The following RFNG variants were observed in gnomAD, a reference collection of about 807,000 sequenced individuals.
RFNG encodes RFNG O-fucosylpeptide 3-beta-N-acetylglucosaminyltransferase, also known as beta-1,3-N-acetylglucosaminyltransferase radical fringe.
Under a neutral mutation model 29.6 loss-of-function variants are expected in RFNG, and 37 were observed. That is an observed-to-expected ratio of 1.25 (90% CI 0.96 to 1.65). The LOEUF (loss-of-function observed/expected upper bound fraction) is 1.65, where lower values mean the gene tolerates loss of function less well. Ranked by LOEUF, RFNG falls within the 40% of genes most tolerant of loss-of-function variation. The pLI is 0.00. For missense variants in RFNG, 546 were observed against 457.0 expected (o/e 1.19, Z -1.78); for synonymous variants, 276 against 197.3 (o/e 1.40, Z -3.34).
Position 82,049,954 on chromosome 17 carries a change from C to A in RFNG, c.626G>T (p.Ser209Ile), listed in dbSNP as rs1411996467. The A allele has an allele frequency of 6.2e-7, 1 of 1,612,508 alleles. No individual in the cohort carries two copies. The highest frequency in any genetic ancestry group is 8.5e-7 in the Non-Finnish European group (1 of 1,179,782). ...GCTCATCTTGAGGGCAAGGCCTCTG[C>A]TGAGGCAGAACCCGGCCCCACCAGT... ...FATGGAGFCL[S>I]RGLALKMSPW... Residue 209 changes from serine to isoleucine, a missense_variant, in exon 5 of 8, where the codon AGC (serine) becomes ATC (isoleucine). Ser to Ile is a moderately radical substitution (Grantham distance 142). Transcript: ENST00000310496.
In RFNG at chr17:82,051,334, G is replaced by A; in HGVS notation, c.276C>T (p.Ile92=). 8 of 1,461,518 alleles carry A rather than the reference G, an allele frequency of 5.5e-6. No individual in the cohort carries two copies. Among genetic ancestry groups the A allele is most frequent in the South Asian group, 1.6e-5 (1 of 64,158 alleles). The allele number at this position is 1,461,518 out of a possible 1,614,324, so 90.5% of individuals were successfully genotyped here. Residue 92 remains isoleucine (I), a synonymous_variant, in exon 2 of 8, where the codon ATC becomes ATT. Transcript: ENST00000310496. The surrounding 1 kb of genome is among the most constrained non-coding windows in gnomAD (Gnocchi z 4.1). ...WISRARQQTF[I]FTDGDDPELE... ...GCTCAGGGTCGTCCCCGTCGGTGAA[G>A]ATAAACGTCTGGGGGAGAAACAATC...
chr17:82,048,874 CGG>C (rs2030083706), intron 7 of RFNG, 67 bp from the exon 8 acceptor site: 7 of 1,482,884 alleles, frequency 4.7e-6, no homozygotes, highest in Non-Finnish European at 6.6e-6. Context: ...GGGCCGTGGG[CGG>C]CGGGAGAACC....
In RFNG at chr17:82,048,135, A is replaced by C. The variant is rs1464711649; in HGVS notation, c.*591T>G. On this transcript the variant is annotated 3_prime_UTR_variant, in exon 8 of 8. Coordinates refer to ENST00000310496, the MANE Select transcript of RFNG (RefSeq NM_002917.2). ...TGAGCCACAAGTCAGAGCGGAGAAA[A>C]CATCTCTGTGGTCCCAGTCAAGAGG... 6.5e-6 allele frequency: 1 copy of C among 154,134 alleles called. No homozygotes were observed. 9.5% of individuals were successfully genotyped at this position (154,134 alleles called of 1,614,324 possible).
Position 82,051,566 on chromosome 17 carries a change from G to A in RFNG, c.201C>T (p.Thr67=), listed in dbSNP as rs189385594. ...GCAGGCGCGGCCCGTGGTTCTTCCG[G>A]GTGGTCTTGACGGCGATGAAGACGT... ...PDDVFIAVKT[T]RKNHGPRLRL... is the part of the protein sequence containing the mutation. Residue 67 remains threonine (T), a synonymous_variant, in exon 1 of 8, where the codon ACC becomes ACT. Coordinates refer to ENST00000310496, the MANE Select transcript of RFNG (RefSeq NM_002917.2). This position sits in a 1 kb window ranked among gnomAD's most constrained non-coding sequence, Gnocchi z 4.1. 5,330 of 1,388,390 alleles carry A rather than the reference G, an allele frequency of 3.8e-3. 205 individuals carry two copies. In the African/African-American group the frequency reaches 0.074, roughly 19 times the overall value. 86.0% of individuals were successfully genotyped at this position (1,388,390 alleles called of 1,614,324 possible).
chr17:82,050,089 T>C, intron 4 of RFNG, 83 bp from the exon 5 acceptor site: 1 of 1,228,142 alleles, frequency 8.1e-7, no homozygotes, highest in Non-Finnish European at 1.2e-6. Context: ...GGCATCTTTC[T>C]TAAGCTGCCC....
intron 4 of RFNG, 179 bp from the exon 5 acceptor site, chr17:82,050,185 G>A (rs1340987245): frequency 6.4e-6 from 5 of 776,014 alleles, no homozygotes; most frequent in Non-Finnish European, 1.0e-5. Flanking sequence ...GTAGCCTCCA[G>A]ACCCTCCCCA....
Position 82,051,487 on chromosome 17 carries a change from G to C in RFNG, c.267+13C>G. The C allele has an allele frequency of 7.3e-7, 1 of 1,368,324 alleles. No individual in the cohort carries two copies. Among genetic ancestry groups the C allele is most frequent in the Non-Finnish European group, 9.4e-7 (1 of 1,058,396 alleles). The allele number at this position is 1,368,324 out of a possible 1,614,324, so 84.8% of individuals were successfully genotyped here. On this transcript the variant is annotated intron_variant, in intron 1 of 7. Transcript: ENST00000310496. This position sits in a 1 kb window ranked among gnomAD's most constrained non-coding sequence, Gnocchi z 4.1. ...GGCGTGGGGCTCGCCGTCGGGGTCG[G>C]GGTCCGGCGCACCTGCTGGCGGGCC... is the stretch of plus-strand genomic sequence containing the variant.
chr17:82,050,893 G>C (rs771146715), intron 2 of RFNG, 129 bp from the exon 3 acceptor site: 3 of 1,406,408 alleles, frequency 2.1e-6, no homozygotes, highest in Non-Finnish European at 2.9e-6. Flanking sequence ...ACCTTGCCTG[G>C]GTCCAACCAC....
chr17:82,048,920 G>A lies in RFNG; in HGVS notation c.914+111C>T, dbSNP rs1598466400. On this transcript the variant is annotated intron_variant, in intron 7 of 7. Transcript: ENST00000310496. ...GGGCCGTGGGTACAGGGAGAAGCCGGGGTCAGGGCCGTGGGCGGAGGGAGC... is the reference window on the plus strand; with the variant it reads ...GGGCCGTGGGTACAGGGAGAAGCCGAGGTCAGGGCCGTGGGCGGAGGGAGC... The A allele has an allele frequency of 4.9e-6, 7 of 1,432,070 alleles. No homozygotes were observed. In the East Asian group the frequency reaches 9.2e-5, roughly 19 times the overall value. The allele number at this position is 1,432,070 out of a possible 1,614,324, so 88.7% of individuals were successfully genotyped here.
chr17:82,050,352 C>T (rs372334388), intron 4 of RFNG, 50 bp downstream of exon 4: 1 of 1,521,054 alleles, frequency 6.6e-7, no homozygotes, highest in Non-Finnish European at 8.8e-7. Context: ...GCCTCCCGGG[C>T]TGGTGTCAAG....
Position 82,049,673 on chromosome 17 carries a change from G to C in RFNG, c.828+4C>G. On this transcript the variant is annotated splice_donor_region_variant and intron_variant, in intron 6 of 7. Transcript: ENST00000310496. Reference sequence around the variant, plus strand: ...GGCAGAGGCACCCAGAGTGGCGCCTGTACCTGCTGGAGCAGGGTGTCGGGC... The same window carrying C: ...GGCAGAGGCACCCAGAGTGGCGCCTCTACCTGCTGGAGCAGGGTGTCGGGC... The C allele has an allele frequency of 6.8e-7, 1 of 1,464,062 alleles. No individual in the cohort carries two copies. Among genetic ancestry groups the C allele is most frequent in the Non-Finnish European group, 9.0e-7 (1 of 1,107,306 alleles). 90.7% of individuals were successfully genotyped at this position (1,464,062 alleles called of 1,614,324 possible).
intron 6 of RFNG, 95 bp from the exon 7 acceptor site, chr17:82,049,211 A>G: frequency 9.8e-7 from 1 of 1,018,246 alleles, no homozygotes; most frequent in Non-Finnish European, 1.5e-6. Context: ...CCCTTTGCCC[A>G]CCCCCTCTCC....
chr17:82,051,453 G>A lies in RFNG; in HGVS notation c.267+47C>T, dbSNP rs1334935673. On this transcript the variant is annotated intron_variant, in intron 1 of 7. Coordinates refer to ENST00000310496, the MANE Select transcript of RFNG (RefSeq NM_002917.2). This position sits in a 1 kb window ranked among gnomAD's most constrained non-coding sequence, Gnocchi z 4.1. ...GGCCGGGCCTAGACCCTGGGAGGCGGGGCGGGTGGGCGTGGGGCTCGCCGT... is the reference window on the plus strand; with the variant it reads ...GGCCGGGCCTAGACCCTGGGAGGCGAGGCGGGTGGGCGTGGGGCTCGCCGT... 1 of 1,341,914 alleles carries A rather than the reference G, an allele frequency of 7.5e-7. No individual in the cohort carries two copies. 83.1% of individuals were successfully genotyped at this position (1,341,914 alleles called of 1,614,324 possible). A position where few individuals can be genotyped will look rare whatever the true frequency, so the allele number is the denominator to read the frequency against.
rs2030059499 is a variant in RFNG, at chr17:82,048,418, C to T, written c.*308G>A. 7.3e-6 allele frequency: 3 copies of T among 412,606 alleles called. No homozygotes were observed. The highest frequency in any genetic ancestry group is 2.6e-5 in the South Asian group (1 of 38,710). 25.6% of individuals were successfully genotyped at this position (412,606 alleles called of 1,614,324 possible). Reference sequence around the variant, plus strand: ...GGTAATGGAGCCCGGATGGCAGCTCCCTCCCAGGTGCGCAAGTGCTGGGGT... The same window carrying T: ...GGTAATGGAGCCCGGATGGCAGCTCTCTCCCAGGTGCGCAAGTGCTGGGGT... On this transcript the variant is annotated 3_prime_UTR_variant, in exon 8 of 8. Transcript: ENST00000310496.
rs1598473844 is a variant in RFNG, at chr17:82,051,392, G to A, written c.268-50C>T. The A allele has an allele frequency of 2.1e-6, 3 of 1,426,270 alleles. No individual in the cohort carries two copies. Among genetic ancestry groups the A allele is most frequent in the Non-Finnish European group, 9.1e-7 (1 of 1,094,962 alleles). 88.4% of individuals were successfully genotyped at this position (1,426,270 alleles called of 1,614,324 possible). On this transcript the variant is annotated intron_variant, in intron 1 of 7. Coordinates refer to ENST00000310496, the MANE Select transcript of RFNG (RefSeq NM_002917.2). The surrounding 1 kb of genome is among the most constrained non-coding windows in gnomAD (Gnocchi z 4.1). ...CTTCTGGGGCGCTGCCCAGGCCGGA[G>A]ACCGACCCGCCCCGCGCGGAGCCTC...
intron 4 of RFNG, 70 bp downstream of exon 4, chr17:82,050,332 C>T (rs770449487): frequency 2.2e-4 from 323 of 1,490,674 alleles, no homozygotes; most frequent in Non-Finnish European, 2.7e-4. Context: ...CTTTCCACGC[C>T]CTCTGCTGTG....
rs1228490734 is a variant in RFNG at position 82,050,743 on chromosome 17, T to C, written c.338A>G (p.Asn113Ser). The C allele has an allele frequency of 6.2e-7, 1 of 1,613,002 alleles. No homozygotes were observed. Among genetic ancestry groups the C allele is most frequent in the African/African-American group, 1.3e-5 (1 of 75,004 alleles). Reference protein sequence around the residue: ...LQGGDRVINTNCSAVRTRQAL... With the variant: ...LQGGDRVINTSCSAVRTRQAL... ...CTGACGAGTGCGCACCGCCGAGCAG[T>C]TGGTGTTGATGACACGGTCGCCTGC... is the stretch of plus-strand genomic sequence containing the variant. Residue 113 changes from asparagine to serine, a missense_variant, in exon 3 of 8, where the codon AAC (asparagine) becomes AGC (serine). Coordinates refer to ENST00000310496, the MANE Select transcript of RFNG (RefSeq NM_002917.2).
intron 4 of RFNG, 80 bp downstream of exon 4, chr17:82,050,322 C>T: frequency 1.4e-6 from 2 of 1,470,326 alleles, no homozygotes; most frequent in South Asian, 1.4e-5. Context: ...CTCAAGCCAG[C>T]TTTCCACGCC....
intron 6 of RFNG, 25 bp downstream of exon 6, chr17:82,049,652 G>A: frequency 6.9e-7 from 1 of 1,459,752 alleles, no homozygotes; most frequent in Non-Finnish European, 9.0e-7. Flanking sequence ...CCAGGTGGCA[G>A]AGGCACCCAG....
Sources: gnomAD v4.1 joint callset for allele counts on GRCh38, gnomAD v4.1.1 for gene constraint, Gnocchi (gnomAD v3.1) non-coding constraint, MANE v1.5 for transcripts, NCBI Gene and HGNC (gene_info 2026-07-23, HGNC 2026-07-21) for gene names.